The following ADGRL3 variants were observed in gnomAD, a reference collection of about 807,000 sequenced individuals.
The protein encoded by ADGRL3 is calcium-independent alpha-latrotoxin receptor 3.
A neutral mutation model predicts 153.5 loss-of-function variants in ADGRL3; 62 were observed. That is an observed-to-expected ratio of 0.40 (90% CI 0.33 to 0.50). The LOEUF is 0.50. Ranked by LOEUF, ADGRL3 falls within the 20% of genes least tolerant of loss-of-function variation. The probability of loss-of-function intolerance (pLI) is 0.47; values close to 1 mark genes in which losing one functional copy is unlikely to be tolerated. For synonymous variants in ADGRL3, 710 were observed against 672.5 expected, an observed-to-expected ratio of 1.06 and a Z score of -0.86; for missense variants, 1,641 against 1,859.4, an observed-to-expected ratio of 0.88 and a Z score of 2.16.
chr4:61,438,462 C>T (rs2097481765), intron 2 of ADGRL3, among the ~76,000 whole-genome samples: 1 of 151,102 alleles, frequency 6.6e-6, no homozygotes, highest in Non-Finnish European at 1.5e-5. Context: ...GAAGGAAGTA[C>T]TTAGTGATAG....
chr4:61,930,795 T>C (rs1365484270), intron 13 of ADGRL3, among the ~76,000 whole-genome samples: 3 of 152,054 alleles, frequency 2.0e-5, no homozygotes, highest in Non-Finnish European at 4.4e-5. Context: ...GAGAGTTTAG[T>C]GAGTATACTG....
intron 1 of ADGRL3, among the ~76,000 whole-genome samples, chr4:61,250,534 T>C (rs1758828586): frequency 6.6e-6 from 1 of 152,222 alleles, no homozygotes; most frequent in Admixed American, 6.5e-5. Context: ...CCATTGATTT[T>C]TGTTGCCTAA....
intron 9 of ADGRL3, among the ~76,000 whole-genome samples, chr4:61,847,831 ATATATATAT>A (rs2098142547): frequency 1.2e-4 from 1 of 8,262 alleles, no homozygotes; most frequent in South Asian, 4.1e-3. Flanking sequence ...ATAATATAAA[ATATATATAT>A]AATATAAAAT....
At chr4:61,867,515 CATATAT>C (rs3065826) in intron 9 of ADGRL3, among the ~76,000 whole-genome samples, 1,895 of 81,162 alleles carry the variant, frequency 0.023, 171 homozygotes, top group Middle Eastern at 0.087. Flanking sequence ...AATATATATG[CATATAT>C]ATATATATAT....
chr4:61,806,098 C>G (rs10517548), intron 8 of ADGRL3, among the ~76,000 whole-genome samples: 1 of 152,042 alleles, frequency 6.6e-6, no homozygotes, highest in Non-Finnish European at 1.5e-5. Flanking sequence ...TGAGCTCTTA[C>G]GATGTCTAAG....
intron 25 of ADGRL3, among the ~76,000 whole-genome samples, chr4:62,049,816 C>T (rs1733153772): frequency 6.6e-6 from 1 of 152,078 alleles, no homozygotes; most frequent in African/African-American, 2.4e-5. Flanking sequence ...CCAGAGACCT[C>T]TGGCAAATTG....
intron 6 of ADGRL3, chr4:61,677,299 G>A (rs2095227530): frequency 2.9e-6 from 1 of 350,690 alleles, no homozygotes; most frequent in South Asian, 2.4e-5. Flanking sequence ...GTAATGTATA[G>A]CAGTTGATAC....
intron 1 of ADGRL3, among the ~76,000 whole-genome samples, chr4:61,315,231 T>C (rs892666589): frequency 6.6e-6 from 1 of 152,192 alleles, no homozygotes. Flanking sequence ...GGGGAAGTTC[T>C]TGTGCAAGTT....
intron 8 of ADGRL3, among the ~76,000 whole-genome samples, chr4:61,750,206 A>T (rs2096736263): frequency 7.5e-6 from 1 of 133,288 alleles, no homozygotes; most frequent in South Asian, 2.4e-4. Context: ...AAAAAAAAAA[A>T]AGGCAGTATT....
At chr4:61,333,172 GA>G (rs77143827) in intron 1 of ADGRL3, among the ~76,000 whole-genome samples, 19,101 of 151,804 alleles carry the variant, frequency 0.13, 1,401 homozygotes, top group South Asian at 0.27. Context: ...TAAAGTAAAT[GA>G]AAAAAATATA....
At chr4:61,653,674 C>T (rs1432499931) in intron 5 of ADGRL3, among the ~76,000 whole-genome samples, 1 of 152,130 alleles carries the variant, frequency 6.6e-6, no homozygotes, top group African/African-American at 2.4e-5. Flanking sequence ...CTCAGCACTA[C>T]CAGATTTATT....
intron 5 of ADGRL3, among the ~76,000 whole-genome samples, chr4:61,592,891 C>T (rs2098975063): frequency 6.6e-6 from 1 of 152,140 alleles, no homozygotes; most frequent in Non-Finnish European, 1.5e-5. Flanking sequence ...TGCAGCCATA[C>T]TCAAAGCATG....
intron 1 of ADGRL3, among the ~76,000 whole-genome samples, chr4:61,376,343 C>T (rs913723631): frequency 1.3e-5 from 2 of 151,246 alleles, no homozygotes; most frequent in Non-Finnish European, 2.9e-5. Context: ...TAATTATAGT[C>T]ATAACATAGC....
chr4:61,513,704 T>C (rs2098475960), intron 3 of ADGRL3, among the ~76,000 whole-genome samples: 1 of 152,306 alleles, frequency 6.6e-6, no homozygotes, highest in African/African-American at 2.4e-5. Context: ...TTATGTATGA[T>C]TTAAAAGTTA....
intron 6 of ADGRL3, among the ~76,000 whole-genome samples, chr4:61,705,766 G>A (rs2095847477): frequency 6.6e-6 from 1 of 152,048 alleles, no homozygotes; most frequent in Admixed American, 6.6e-5. Flanking sequence ...GCCACCCAAG[G>A]GGGCTAAGAT....
Position 61,892,880 on chromosome 4 carries a change from G to A in ADGRL3, c.1705G>A (p.Val569Met). Residue 569 changes from valine to methionine, a missense_variant, in exon 10 of 27, where the codon GTG becomes ATG. Val to Met is a conservative substitution (Grantham distance 21). Coordinates refer to ENST00000683033, the MANE Select transcript of ADGRL3 (RefSeq NM_001387552.1). ...AGCTCTCGAAGAGAGCTGTGAGGCT[G>A]TGGAAGCCCGAGAAATCATGTGGTT... ...IPALEESCEAVEAREIMWFKT... is the reference protein window; with the variant it reads ...IPALEESCEAMEAREIMWFKT... The A allele has an allele frequency of 6.3e-7, 1 of 1,596,138 alleles. No homozygotes were observed. The highest frequency in any genetic ancestry group is 8.5e-7 in the Non-Finnish European group (1 of 1,174,302).
At chr4:61,474,290 G>T (rs1264275970) in intron 2 of ADGRL3, among the ~76,000 whole-genome samples, 1 of 152,108 alleles carries the variant, frequency 6.6e-6, no homozygotes, top group Non-Finnish European at 1.5e-5. Flanking sequence ...ATAACAGAAT[G>T]TGAAAATCCT....
Position 61,267,911 on chromosome 4 carries a change from T to C in ADGRL3, c.-240+66146T>C, listed in dbSNP as rs142965130. Among the ~76,000 whole-genome samples, 28 of 151,812 alleles carry C rather than the reference T, an allele frequency of 1.8e-4. No individual in the cohort carries two copies. In the East Asian group the frequency reaches 5.4e-3, roughly 29 times the overall value. On this transcript the variant is annotated intron_variant, in intron 1 of 26. Transcript: ENST00000683033. ...CATAATTATATCTACAAAGTGATGTTGAAAATACTTTAAAAAATAAAACAT... is the reference window on the plus strand; with the variant it reads ...CATAATTATATCTACAAAGTGATGTCGAAAATACTTTAAAAAATAAAACAT...
intron 4 of ADGRL3, among the ~76,000 whole-genome samples, chr4:61,544,151 A>G (rs891374452): frequency 6.6e-6 from 1 of 152,216 alleles, no homozygotes; most frequent in African/African-American, 2.4e-5. Context: ...ATTGAGCAAC[A>G]TTGACCATTC....
Sources: gnomAD v4.1 joint callset for allele counts (sites outside exome capture counted in the v4.1 genomes callset) on GRCh38, gnomAD v4.1.1 for gene constraint, MANE v1.5 for transcripts, NCBI Gene and HGNC (gene_info 2026-07-23, HGNC 2026-07-21) for gene names.